Variants in DDX59 observed in about 807,000 individuals in gnomAD.
The protein encoded by DDX59 is probable ATP-dependent RNA helicase DDX59.
In DDX59, 30 loss-of-function variants were observed where a neutral mutation model predicts 51.9. The ratio of observed to expected loss-of-function variants is 0.58; its 90% CI spans 0.43 to 0.78. The LOEUF (loss-of-function observed/expected upper bound fraction) is 0.78, where lower values mean the gene tolerates loss of function less well. DDX59 is among the 30% of genes least tolerant of loss of function. The pLI is 0.00. For synonymous variants in DDX59, 255 were observed against 253.3 expected (o/e 1.01, Z -0.06); for missense variants, 672 against 730.8 (o/e 0.92, Z 0.93).
intron 4 of DDX59, among the ~76,000 whole-genome samples, chr1:200,653,074 G>C (rs895968299): frequency 6.6e-6 from 1 of 152,114 alleles, no homozygotes; most frequent in Non-Finnish European, 1.5e-5. Context: ...GAGCCCCATG[G>C]GCTGGGTCAC....
chr1:200,657,411 C>T (rs767250633), intron 4 of DDX59, among the ~76,000 whole-genome samples: 57 of 151,962 alleles, frequency 3.8e-4, no homozygotes, highest in Admixed American at 7.2e-4. Context: ...CAAATGGCCA[C>T]GCCAGAAAAA....
At chr1:200,652,967 G>C (rs2102868994) in intron 4 of DDX59, among the ~76,000 whole-genome samples, 1 of 152,266 alleles carries the variant, frequency 6.6e-6, no homozygotes, top group Non-Finnish European at 1.5e-5. Context: ...TTACAGGCGT[G>C]GGCCCCTGCA....
rs376058846 is a variant in DDX59 at position 200,645,348 on chromosome 1, G to A, written c.1597-831C>T. ...GGCTGGAGCGCAATGGTGCAATGTC[G>A]GCTCACTGCAACCTCCGCCTCCTGG... is the stretch of plus-strand genomic sequence containing the variant. On this transcript the variant is annotated intron_variant, in intron 7 of 7. Coordinates refer to ENST00000331314, the MANE Select transcript of DDX59 (RefSeq NM_001031725.6). Among the ~76,000 whole-genome samples the A allele has an allele frequency of 1.1e-4, 17 of 151,914 alleles. No homozygotes were observed. In the East Asian group the frequency reaches 1.2e-3, roughly 10 times the overall value.
At chr1:200,661,837 G>A (rs887449509) in intron 3 of DDX59, among the ~76,000 whole-genome samples, 1 of 152,224 alleles carries the variant, frequency 6.6e-6, no homozygotes, top group Non-Finnish European at 1.5e-5. Context: ...CAAATTGCAT[G>A]TCGAACTGTA....
chr1:200,663,937 A>C lies in DDX59; in HGVS notation c.954T>G (p.Arg318=). The C allele has an allele frequency of 6.2e-7, 1 of 1,610,458 alleles. No homozygotes were observed. Among genetic ancestry groups the C allele is most frequent in the South Asian group, 1.1e-5 (1 of 90,392 alleles). ...GGLPLPPQLY[R]LQQHVKVIIA... ...TGCTTACCTTAACATGTTGTTGCAG[A>C]CGATAAAGCTGTGGGGGTAAGGGTA... Residue 318 remains arginine, a synonymous_variant, in exon 3 of 8, where the codon CGT becomes CGG. Transcript: ENST00000331314.
intron 3 of DDX59, among the ~76,000 whole-genome samples, chr1:200,660,677 C>T (rs1173235141): frequency 6.6e-6 from 1 of 152,158 alleles, no homozygotes; most frequent in Non-Finnish European, 1.5e-5. Flanking sequence ...TTGGAAGTAT[C>T]AACATGAACT....
chr1:200,656,838 G>C (rs2809366), intron 4 of DDX59, among the ~76,000 whole-genome samples: 10,162 of 152,228 alleles, frequency 0.067, 419 homozygotes, highest in South Asian at 0.14. Context: ...AGGATCACTT[G>C]AGCCCAGGAA....
At chr1:200,655,015 T>A (rs1262737165) in intron 4 of DDX59, 10 of 152,198 alleles carry the variant, frequency 6.6e-5, no homozygotes, top group African/African-American at 2.4e-4. Flanking sequence ...ATACGTTTCA[T>A]GGATTCCGAT....
chr1:200,647,204 G>A (rs1208438308), intron 7 of DDX59, among the ~76,000 whole-genome samples: 3 of 152,198 alleles, frequency 2.0e-5, no homozygotes, highest in Non-Finnish European at 2.9e-5. Flanking sequence ...AAGGGAAGCC[G>A]GAGAGGGAAG....
chr1:200,648,783 T>C (rs1372049471), intron 6 of DDX59, among the ~76,000 whole-genome samples: 1 of 152,222 alleles, frequency 6.6e-6, no homozygotes, highest in African/African-American at 2.4e-5. Flanking sequence ...AGGCAAACCT[T>C]TTCCAAAGGT....
Position 200,663,814 on chromosome 1 carries a change from C to A in DDX59, c.972+105G>T. On this transcript the variant is annotated intron_variant, in intron 3 of 7. Transcript: ENST00000331314. ...GGCTTACTTGGTAAGAATTTAAAGGCTCTCTAAAATCATACTTTTAAAAAT... is the reference window on the plus strand; with the variant it reads ...GGCTTACTTGGTAAGAATTTAAAGGATCTCTAAAATCATACTTTTAAAAAT... 6 of 1,112,898 alleles carry A rather than the reference C, an allele frequency of 5.4e-6. No individual in the cohort carries two copies. The South Asian group carries it at 8.8e-5, about 16-fold the overall frequency. 68.9% of individuals were successfully genotyped at this position (1,112,898 alleles called of 1,614,324 possible).
chr1:200,657,084 A>G lies in DDX59; in HGVS notation c.1062+1943T>C, dbSNP rs541404869. ...GGCCAACATGGTAAAACTCTGTCTC[A>G]ACTAAAAATACAAAAATTAGCCAGG... On this transcript the variant is annotated intron_variant, in intron 4 of 7. Coordinates refer to ENST00000331314, the MANE Select transcript of DDX59 (RefSeq NM_001031725.6). Among the ~76,000 whole-genome samples the G allele has an allele frequency of 1.6e-3, 247 of 151,918 alleles. 1 individual carries two copies. The highest frequency in any genetic ancestry group is 5.4e-3 in the African/African-American group (222 of 41,442).
At chr1:200,667,374 C>G (rs1662839563) in intron 1 of DDX59, among the ~76,000 whole-genome samples, 1 of 152,178 alleles carries the variant, frequency 6.6e-6, no homozygotes, top group Non-Finnish European at 1.5e-5. Flanking sequence ...TGCACTCCAA[C>G]CTGGGCAACA....
chr1:200,664,098 T>G lies in DDX59; in HGVS notation c.805-12A>C. 1 of 1,602,872 alleles carries G rather than the reference T, an allele frequency of 6.2e-7. No homozygotes were observed. Among genetic ancestry groups the G allele is most frequent in the African/African-American group, 1.3e-5 (1 of 74,318 alleles). On this transcript the variant is annotated splice_polypyrimidine_tract_variant and intron_variant, in intron 2 of 7. Transcript: ENST00000331314. ...GATGGAGTTTTGCTCTGCAAAGATG[T>G]GAAAAACAAGTTTAAAAACACCAGC...
chr1:200,641,558 C>G (rs3924332), downstream of DDX59, among the ~76,000 whole-genome samples: 2 of 151,542 alleles, frequency 1.3e-5, no homozygotes. Context: ...CATGGTGAAA[C>G]CTTGTCTCTA....
In DDX59 at chr1:200,663,491, C is replaced by T. The variant is rs368119948; in HGVS notation, c.972+428G>A. Among the ~76,000 whole-genome samples, 36 of 152,220 alleles carry T rather than the reference C, an allele frequency of 2.4e-4. No individual in the cohort carries two copies. In the East Asian group the frequency reaches 6.0e-3, roughly 25 times the overall value. On this transcript the variant is annotated intron_variant, in intron 3 of 7. Transcript: ENST00000331314. ...TTTACATACCAGAAAATACAGACTA[C>T]GCATAACAGCATGGCTAAGGAAGGA...
intron 1 of DDX59, among the ~76,000 whole-genome samples, chr1:200,667,732 C>G (rs865961254): frequency 1.3e-5 from 2 of 152,102 alleles, no homozygotes. Context: ...ATAAGTAACA[C>G]TTAGTGTTTA....
chr1:200,659,745 C>G lies in DDX59; in HGVS notation c.973-629G>C, dbSNP rs562230566. On this transcript the variant is annotated intron_variant, in intron 3 of 7. Coordinates refer to ENST00000331314, the MANE Select transcript of DDX59 (RefSeq NM_001031725.6). ...GATATAATCTCGCTCTGTCACCCAG[C>G]AGGGAGTGCGTGGCTCACTGTAGCC... Among the ~76,000 whole-genome samples the G allele has an allele frequency of 3.3e-4, 51 of 152,278 alleles. 1 individual carries two copies. The South Asian group carries it at 0.011, about 32-fold the overall frequency.
At chr1:200,660,613 G>A (rs1402376596) in intron 3 of DDX59, among the ~76,000 whole-genome samples, 1 of 152,124 alleles carries the variant, frequency 6.6e-6, no homozygotes, top group Non-Finnish European at 1.5e-5. Flanking sequence ...GAAAATGAGT[G>A]GCAGGTTTCT....
Sources: gnomAD v4.1 joint callset for allele counts (sites outside exome capture counted in the v4.1 genomes callset) on GRCh38, gnomAD v4.1.1 for gene constraint, MANE v1.5 for transcripts, NCBI Gene and HGNC (gene_info 2026-07-23, HGNC 2026-07-21) for gene names.